ZNF736: variants seen among roughly 807,000 people sequenced by gnomAD.
The protein encoded by ZNF736 is KRAB-containing zinc-finger repressor protein.
ZNF736 carries 6 observed loss-of-function variants against 11.7 expected under a neutral mutation model. That is an observed-to-expected ratio of 0.51 (90% CI 0.28 to 1.01). The LOEUF (loss-of-function observed/expected upper bound fraction) is 1.01. Among genes scored for constraint, ZNF736 ranks in the 50% least tolerant of loss-of-function variants. ZNF736 has a pLI of 0.09. For missense variants in ZNF736, 444 were observed against 496.0 expected (o/e 0.90, Z 1.00); for synonymous variants, 139 against 164.7 (o/e 0.84, Z 1.19).
intron 1 of ZNF736, among the ~76,000 whole-genome samples, chr7:64,332,800 A>C (rs1365614698): frequency 6.6e-6 from 1 of 152,104 alleles, no homozygotes; most frequent in African/African-American, 2.4e-5. Flanking sequence ...GAATTTAGCA[A>C]TATCTCTCCT....
intron 1 of ZNF736, among the ~76,000 whole-genome samples, chr7:64,328,204 A>G (rs370067090): frequency 3.3e-4 from 49 of 150,334 alleles, no homozygotes; most frequent in African/African-American, 1.1e-3. Context: ...TTTGTGGGAC[A>G]GGTCTGGGGG....
intron 1 of ZNF736, among the ~76,000 whole-genome samples, chr7:64,335,586 C>T (rs1303283870): frequency 6.6e-6 from 1 of 152,070 alleles, no homozygotes; most frequent in Non-Finnish European, 1.5e-5. Context: ...TAATAGATAC[C>T]TTGGGGAGTT....
In ZNF736 at chr7:64,316,564, T is replaced by G. The variant is rs532816471; in HGVS notation, c.3+2411T>G. Among the ~76,000 whole-genome samples the G allele has an allele frequency of 5.3e-5, 8 of 152,354 alleles. No individual in the cohort carries two copies. The East Asian group carries it at 1.5e-3, about 29-fold the overall frequency. Reference sequence around the variant, plus strand: ...GGAGAGTGATGATCAAGTACTTTAGTGAGCAGAATGGGGGTGGGAGAATCT... The same window carrying G: ...GGAGAGTGATGATCAAGTACTTTAGGGAGCAGAATGGGGGTGGGAGAATCT... On this transcript the variant is annotated intron_variant, in intron 1 of 3. Coordinates refer to ENST00000423484, the MANE Select transcript of ZNF736 (RefSeq NM_001170905.3).
chr7:64,346,790 T>C (rs1193137528), intron 3 of ZNF736, among the ~76,000 whole-genome samples: 7 of 152,040 alleles, frequency 4.6e-5, no homozygotes, highest in Non-Finnish European at 1.0e-4. Flanking sequence ...TATTTCTTTC[T>C]GTGCTTTTTA....
chr7:64,346,414 T>C (rs1468241170), intron 3 of ZNF736, among the ~76,000 whole-genome samples: 1 of 116,520 alleles, frequency 8.6e-6, no homozygotes, highest in Non-Finnish European at 1.8e-5. Context: ...TGTCATGATA[T>C]AGTTAGATTT....
rs1406825910 is a variant in ZNF736 at position 64,323,440 on chromosome 7, A to G, written c.3+9287A>G. On this transcript the variant is annotated intron_variant, in intron 1 of 3. Transcript: ENST00000423484. Reference sequence around the variant, plus strand: ...AAGCAGTATATTGTTTTTAAAAGTAAAACAAAAAAAAATACTATTCACAAT... The same window carrying G: ...AAGCAGTATATTGTTTTTAAAAGTAGAACAAAAAAAAATACTATTCACAAT... Among the ~76,000 whole-genome samples the G allele has an allele frequency of 8.5e-4, 6 of 7,060 alleles. No individual in the cohort carries two copies. In the Non-Finnish European group the frequency reaches 0.013, roughly 15 times the overall value. The allele number at this position is 7,060 out of a possible 152,430, so 4.6% of individuals were successfully genotyped here. A position where few individuals can be genotyped will look rare whatever the true frequency, so the allele number is the denominator to read the frequency against.
intron 3 of ZNF736, among the ~76,000 whole-genome samples, chr7:64,347,423 A>T (rs1159004343): frequency 6.6e-6 from 1 of 151,570 alleles, no homozygotes; most frequent in African/African-American, 2.4e-5. Flanking sequence ...ACAAGGTTTC[A>T]CCATGTTGGC....
chr7:64,348,955 G>A lies in ZNF736; in HGVS notation c.1092G>A (p.Met364Ile). 6.3e-7 allele frequency: 1 copy of A among 1,592,152 alleles called. No individual in the cohort carries two copies. The highest frequency in any genetic ancestry group is 8.6e-7 in the Non-Finnish European group (1 of 1,168,864). ...STLFNHKRIH[M>I]EERPYKCEEC... ...TTTTTAACCACAAGAGAATTCATAT[G>A]GAAGAGAGACCTTACAAATGTGAAG... The change falls in exon 4 of 4, where the codon ATG (methionine) becomes ATA (isoleucine). Residue 364 changes from methionine (M) to isoleucine (I), a missense_variant. Coordinates refer to ENST00000423484, the MANE Select transcript of ZNF736 (RefSeq NM_001170905.3).
rs539010751 is a variant in ZNF736, at chr7:64,343,073, A to G, written c.227-5017A>G. ...ATCAAAGCTTTTTATGAATGATTATAATGCATTTTCTATAAAATGTTATTG... is the reference window on the plus strand; with the variant it reads ...ATCAAAGCTTTTTATGAATGATTATGATGCATTTTCTATAAAATGTTATTG... On this transcript the variant is annotated intron_variant, in intron 3 of 3. Transcript: ENST00000423484. Among the ~76,000 whole-genome samples the G allele has an allele frequency of 1.4e-4, 21 of 152,306 alleles. No homozygotes were observed. In the East Asian group the frequency reaches 4.1e-3, roughly 29 times the overall value.
chr7:64,322,041 A>G (rs112009027), intron 1 of ZNF736, among the ~76,000 whole-genome samples: 20 of 146,400 alleles, frequency 1.4e-4, no homozygotes, highest in African/African-American at 5.0e-4. Context: ...TACAGTCTGA[A>G]TTTAGCAATG....
rs1357759559 is a variant in ZNF736, at chr7:64,348,499, G to C, written c.636G>C (p.Lys212Asn). Residue 212 changes from lysine to asparagine, a missense_variant, in exon 4 of 4, where the codon AAG becomes AAC. Lys to Asn is a moderately conservative substitution (Grantham distance 94, BLOSUM62 0). Transcript: ENST00000423484. ...AAGAATGTGGCAAAGCGTTTAAAAAGTTTTCAAACCTTACTGAACATAAGA... is the reference window on the plus strand; with the variant it reads ...AAGAATGTGGCAAAGCGTTTAAAAACTTTTCAAACCTTACTGAACATAAGA... ...KCEECGKAFKKFSNLTEHKRV... is the reference protein window; with the variant it reads ...KCEECGKAFKNFSNLTEHKRV... 6.4e-7 allele frequency: 1 copy of C among 1,564,762 alleles called. No homozygotes were observed. Among genetic ancestry groups the C allele is most frequent in the African/African-American group, 1.4e-5 (1 of 73,336 alleles).
chr7:64,338,592 C>G lies in ZNF736; in HGVS notation c.226+1610C>G, dbSNP rs540549330. On this transcript the variant is annotated intron_variant, in intron 3 of 3. Coordinates refer to ENST00000423484, the MANE Select transcript of ZNF736 (RefSeq NM_001170905.3). The stretch of plus-strand genomic sequence containing the variant: ...TATTCTCCATAGAAGTGAGATCATA[C>G]AGTATTTGTCTGTTTCTGTGATGTT... 6.6e-5 allele frequency among the ~76,000 whole-genome samples: 10 copies of G among 152,246 alleles called. 1 individual carries two copies. The highest frequency in any genetic ancestry group is 2.4e-4 in the African/African-American group (10 of 41,544).
At chr7:64,347,622 C>G (rs1038112428) in intron 3 of ZNF736, among the ~76,000 whole-genome samples, 1 of 152,138 alleles carries the variant, frequency 6.6e-6, no homozygotes, top group Non-Finnish European at 1.5e-5. Flanking sequence ...CAGTCATTTA[C>G]CTTTGGTCTC....
intron 1 of ZNF736, among the ~76,000 whole-genome samples, chr7:64,319,418 A>G (rs1223771154): frequency 7.1e-5 from 9 of 126,698 alleles, no homozygotes; most frequent in Admixed American, 6.9e-4. Context: ...AAATAAATGG[A>G]CTTTTGACTG....
intron 1 of ZNF736, among the ~76,000 whole-genome samples, chr7:64,320,515 A>G (rs1257296562): frequency 6.6e-6 from 1 of 152,242 alleles, no homozygotes; most frequent in Non-Finnish European, 1.5e-5. Flanking sequence ...TGGTCTAAAA[A>G]AACTTCAATT....
chr7:64,323,324 C>T (rs917251587), intron 1 of ZNF736, among the ~76,000 whole-genome samples: 1 of 152,096 alleles, frequency 6.6e-6, no homozygotes, highest in African/African-American at 2.4e-5. Flanking sequence ...ACTACAGTTG[C>T]TTATTGAGCA....
chr7:64,335,849 T>C (rs1789241634), intron 1 of ZNF736, among the ~76,000 whole-genome samples: 1 of 152,214 alleles, frequency 6.6e-6, no homozygotes, highest in African/African-American at 2.4e-5. Flanking sequence ...CGCTAGATCT[T>C]CAGAGTCAAA....
At chr7:64,340,248 C>G (rs530393425) in intron 3 of ZNF736, among the ~76,000 whole-genome samples, 434 of 152,298 alleles carry the variant, frequency 2.8e-3, no homozygotes, top group Non-Finnish European at 4.9e-3. Context: ...AGTGCTGAAA[C>G]TGAGTCACTG....
At chr7:64,339,150 T>G (rs1789300573) in intron 3 of ZNF736, among the ~76,000 whole-genome samples, 1 of 152,188 alleles carries the variant, frequency 6.6e-6, no homozygotes, top group Non-Finnish European at 1.5e-5. Flanking sequence ...AGTCCTTGGC[T>G]TATTTTTAAA....
Sources: allele counts gnomAD v4.1 joint callset (sites outside exome capture counted in the v4.1 genomes callset), GRCh38; gene constraint gnomAD v4.1.1; transcripts MANE v1.5; gene names NCBI Gene and HGNC (gene_info 2026-07-23, HGNC 2026-07-21).